The following PLXNA2 variants were observed in gnomAD, a reference collection of about 807,000 sequenced individuals.
PLXNA2 encodes the protein plexin-A2.
In PLXNA2, 91 loss-of-function variants were observed where a neutral mutation model predicts 193.5. That is an observed-to-expected ratio of 0.47 (90% confidence interval 0.40 to 0.56). The LOEUF is 0.56. Among genes scored for constraint, PLXNA2 ranks in the 20% least tolerant of loss-of-function variants. The probability of loss-of-function intolerance (pLI) is 0.00; values close to 1 mark genes in which losing one functional copy is unlikely to be tolerated. For missense variants in PLXNA2, 1,995 were observed against 2,503.2 expected (o/e 0.80, Z 4.33); for synonymous variants, 997 against 1,027.3 (o/e 0.97, Z 0.56).
At chr1:208,072,168 C>A (rs530127006) in intron 12 of PLXNA2, among the ~76,000 whole-genome samples, 1 of 152,218 alleles carries the variant, frequency 6.6e-6, no homozygotes, top group African/African-American at 2.4e-5. Context: ...ACCTAAGATG[C>A]GTAAGATAAT....
intron 3 of PLXNA2, among the ~76,000 whole-genome samples, chr1:208,199,386 T>A (rs1360292263): frequency 6.6e-6 from 1 of 152,142 alleles, no homozygotes; most frequent in East Asian, 1.9e-4. Flanking sequence ...CAGTCTGATG[T>A]TTTGTGCAGA....
chr1:208,108,306 A>G (rs57692818), intron 4 of PLXNA2, among the ~76,000 whole-genome samples: 2,948 of 152,280 alleles, frequency 0.019, 85 homozygotes, highest in African/African-American at 0.064. Flanking sequence ...CTTGAAAAGC[A>G]TGGCACACCT....
intron 3 of PLXNA2, among the ~76,000 whole-genome samples, chr1:208,204,293 C>T (rs571363461): frequency 9.2e-5 from 14 of 152,252 alleles, no homozygotes; most frequent in African/African-American, 2.9e-4. Context: ...TCCTGCTTCC[C>T]CTGTTATACA....
At chr1:208,094,416 T>G (rs1666810585) in intron 8 of PLXNA2, among the ~76,000 whole-genome samples, 2 of 152,220 alleles carry the variant, frequency 1.3e-5, no homozygotes, top group Non-Finnish European at 2.9e-5. Flanking sequence ...AATGGAATCT[T>G]TGCTGTCAAG....
At chr1:208,174,092 G>A (rs1182086257) in intron 3 of PLXNA2, among the ~76,000 whole-genome samples, 2 of 152,244 alleles carry the variant, frequency 1.3e-5, no homozygotes, top group Non-Finnish European at 2.9e-5. Flanking sequence ...CCTCTGAGAA[G>A]GGTATTTGGA....
At chr1:208,124,399 C>T (rs1330791080) in intron 4 of PLXNA2, among the ~76,000 whole-genome samples, 1 of 152,138 alleles carries the variant, frequency 6.6e-6, no homozygotes, top group African/African-American at 2.4e-5. Context: ...TAGAACCAGG[C>T]CAGGCACGGT....
At chr1:208,123,657 T>G (rs1264257507) in intron 4 of PLXNA2, among the ~76,000 whole-genome samples, 1 of 152,218 alleles carries the variant, frequency 6.6e-6, no homozygotes, top group African/African-American at 2.4e-5. Context: ...CCAGTTCAAT[T>G]TTTACAATGT....
rs139279881 is a variant in PLXNA2 at position 208,028,802 on chromosome 1, A to G, written c.5438+28T>C. The stretch of plus-strand genomic sequence containing the variant: ...GGGGAATGGGCAGGGAGACAAGGGC[A>G]TGGGCCTGTCCTGAGGGTGCTACTG... On this transcript the variant is annotated intron_variant, in intron 30 of 31. Transcript: ENST00000367033. This position sits in a 1 kb window ranked among gnomAD's most constrained non-coding sequence, Gnocchi z 4.2. 3.0e-4 allele frequency: 478 copies of G among 1,598,380 alleles called. 2 individuals carry two copies. The African/African-American group carries it at 6.0e-3, about 20-fold the overall frequency.
Position 208,060,910 on chromosome 1 carries a change from CCCAGGGAGG to C in PLXNA2, c.2587-82_2587-74del. ...GAAACAGCAGCACCCTTCCCCCTCC[CCCAGGGAGG>C]TTTAAGAACCTCCATAGGTTCTTAA... On this transcript the variant is annotated intron_variant, in intron 12 of 31. Transcript: ENST00000367033. The C allele has an allele frequency of 2.1e-6, 3 of 1,456,276 alleles. No homozygotes were observed. The South Asian group carries it at 3.7e-5, about 18-fold the overall frequency. 90.2% of individuals were successfully genotyped at this position (1,456,276 alleles called of 1,614,324 possible).
intron 4 of PLXNA2, among the ~76,000 whole-genome samples, chr1:208,112,521 T>C (rs1441180340): frequency 6.6e-6 from 1 of 152,204 alleles, no homozygotes; most frequent in African/African-American, 2.4e-5. Flanking sequence ...CAGCTGGTGC[T>C]CAATAGTGGT....
Position 208,045,942 on chromosome 1 carries a change from G to A in PLXNA2, c.3431C>T (p.Thr1144Ile), listed in dbSNP as rs1229972089. ...TCCAGTAGGGCTAAGCAGTTCAAAG[G>A]TCGGGTTGGGGTAGTAGATAAACTT... is the stretch of plus-strand genomic sequence containing the variant. ...DTKFIYYPNP[T>I]FELLSPTGVL... is the part of the protein sequence containing the mutation. Residue 1144 changes from threonine (T) to isoleucine (I), a missense_variant, in exon 18 of 32, where the codon ACC (threonine) becomes ATC (isoleucine). Physicochemically the swap from Thr to Ile is moderately conservative, Grantham distance 89. This residue lies in a region of PLXNA2 where 1,291 missense variants were observed against 1,673.6 expected (regional missense o/e 0.77). Transcript: ENST00000367033. 1.9e-6 allele frequency: 3 copies of A among 1,614,250 alleles called. No individual in the cohort carries two copies. Among genetic ancestry groups the A allele is most frequent in the Non-Finnish European group, 2.5e-6 (3 of 1,180,042 alleles).
chr1:208,232,418 A>G (rs1671719884), intron 1 of PLXNA2, among the ~76,000 whole-genome samples: 1 of 152,204 alleles, frequency 6.6e-6, no homozygotes, highest in South Asian at 2.1e-4. Context: ...GCTGCTCTTC[A>G]ATTCCCGACA....
chr1:208,219,899 CTT>C (rs1671267276), intron 1 of PLXNA2, among the ~76,000 whole-genome samples: 1 of 152,192 alleles, frequency 6.6e-6, no homozygotes, highest in Non-Finnish European at 1.5e-5. Flanking sequence ...ACAGACAGGG[CTT>C]TCAGTTTGGA....
intron 3 of PLXNA2, among the ~76,000 whole-genome samples, chr1:208,178,463 G>T (rs1397942270): frequency 6.6e-6 from 1 of 152,158 alleles, no homozygotes; most frequent in Non-Finnish European, 1.5e-5. Context: ...AGTCAGGCTG[G>T]CCCCAGCACC....
intron 22 of PLXNA2, 26 bp from the exon 23 acceptor site, chr1:208,040,084 G>A: frequency 1.9e-6 from 3 of 1,599,786 alleles, no homozygotes; most frequent in Non-Finnish European, 2.6e-6. Flanking sequence ...AGGGTAAGGG[G>A]CAGTCCTTCA....
At chr1:208,133,029 C>T (rs923314334) in intron 4 of PLXNA2, among the ~76,000 whole-genome samples, 1 of 152,154 alleles carries the variant, frequency 6.6e-6, no homozygotes, top group African/African-American at 2.4e-5. Context: ...GCTTGGTATA[C>T]CCTTTCTTCT....
intron 17 of PLXNA2, among the ~76,000 whole-genome samples, chr1:208,047,020 G>A (rs1181526575): frequency 6.6e-6 from 1 of 152,246 alleles, no homozygotes. Context: ...GAGTGCAGTG[G>A]TGCGATCTCA....
chr1:208,159,842 C>CAGCAGGGG, intron 3 of PLXNA2, among the ~76,000 whole-genome samples: 1 of 152,298 alleles, frequency 6.6e-6, no homozygotes, highest in East Asian at 1.9e-4. Flanking sequence ...GGAGGGTGAA[C>CAGCAGGGG]CTGTGCTTCC....
rs891178943 is a variant in PLXNA2, at chr1:208,082,122, G to A, written c.2395+290C>T. On this transcript the variant is annotated intron_variant, in intron 11 of 31. Transcript: ENST00000367033. The surrounding 1 kb of genome is among the most constrained non-coding windows in gnomAD (Gnocchi z 4.2). ...GGAAACTAGCCGGACGTTCCTGCCT[G>A]CTGTTCTCCTAGGTCAGGTTCCACA... Among the ~76,000 whole-genome samples, 1 of 152,178 alleles carries A rather than the reference G, an allele frequency of 6.6e-6. No homozygotes were observed. The highest frequency in any genetic ancestry group is 1.5e-5 in the Non-Finnish European group (1 of 68,032).
Sources: allele counts gnomAD v4.1 joint callset (sites outside exome capture counted in the v4.1 genomes callset), GRCh38; gene constraint gnomAD v4.1.1; regional missense constraint gnomAD v4.1.1; non-coding constraint Gnocchi (gnomAD v3.1); transcripts MANE v1.5; gene names NCBI Gene and HGNC (gene_info 2026-07-23, HGNC 2026-07-21).